Variants in AFDN observed in about 807,000 individuals in gnomAD.
AFDN encodes afadin, adherens junction formation factor, also known as afadin.
Under a neutral mutation model 216.6 loss-of-function variants are expected in AFDN, and 68 were observed. The ratio of observed to expected loss-of-function variants is 0.31; its 90% CI spans 0.26 to 0.38. The LOEUF is 0.38. Ranked by LOEUF, AFDN falls within the 10% of genes least tolerant of loss-of-function variation. AFDN has a pLI of 1.00. For missense variants in AFDN, 2,136 were observed against 2,342.0 expected, an observed-to-expected ratio of 0.91 and a Z score of 1.82; for synonymous variants, 868 against 853.7, an observed-to-expected ratio of 1.02 and a Z score of -0.29.
chr6:167,827,659 T>A (rs1779312693), intron 1 of AFDN: 1 of 150,096 alleles, frequency 6.7e-6, no homozygotes. Flanking sequence ...CCCTTCGCCG[T>A]GGCCGGGATG....
chr6:167,868,850 C>A lies in AFDN; in HGVS notation c.302-1536C>A, dbSNP rs140291711. Among the ~76,000 whole-genome samples the A allele has an allele frequency of 8.3e-3, 1,241 of 149,088 alleles. 12 individuals are homozygous for A. Among genetic ancestry groups the A allele is most frequent in the Non-Finnish European group, 9.3e-3 (626 of 67,578 alleles). On this transcript the variant is annotated intron_variant, in intron 2 of 33. Coordinates refer to ENST00000683244, the MANE Select transcript of AFDN (RefSeq NM_001386888.1). ...CCGTCACAGTTCACTGTGGCCTCAA[C>A]CTCTTGGACTCAAGTGATTCTCCCC...
chr6:167,894,980 ATTTAT>A (rs1305087550), intron 9 of AFDN, among the ~76,000 whole-genome samples: 1 of 151,932 alleles, frequency 6.6e-6, no homozygotes, highest in Non-Finnish European at 1.5e-5. Flanking sequence ...TTTCTTTATA[ATTTAT>A]TTGTGTCATT....
chr6:167,957,155 C>T (rs1291970271), intron 30 of AFDN, among the ~76,000 whole-genome samples: 2 of 151,234 alleles, frequency 1.3e-5, no homozygotes, highest in African/African-American at 4.9e-5. Flanking sequence ...TCTCAGATGC[C>T]ACCTTTCTGG....
intron 6 of AFDN, among the ~76,000 whole-genome samples, chr6:167,888,216 TATG>T (rs1295163974): frequency 2.6e-5 from 4 of 152,204 alleles, no homozygotes; most frequent in Non-Finnish European, 5.9e-5. Flanking sequence ...TTGGTTAATT[TATG>T]ATAAGGTGTG....
At position 167,946,762 on chromosome 6, in the gene AFDN, C is replaced by T. The variant is rs1321044264; in HGVS notation, c.3414C>T (p.Leu1138=). ...KPRPKSEGFE[L]YNNSTQNGSP... ...GACCAAAGAGTGAAGGCTTTGAGCT[C>T]TATAATAATTCAACTCAAAATGGGT... The change falls in exon 27 of 34, where the codon CTC becomes CTT. Residue 1138 remains leucine, a synonymous_variant. Coordinates refer to ENST00000683244, the MANE Select transcript of AFDN (RefSeq NM_001386888.1). The T allele has an allele frequency of 1.9e-6, 3 of 1,613,942 alleles. No homozygotes were observed. The highest frequency in any genetic ancestry group is 3.3e-5 in the Admixed American group (2 of 59,980).
At position 167,969,934 on chromosome 6, in the gene AFDN, G is replaced by A; in HGVS notation, c.5495G>A (p.Ter1832=). 1 of 1,603,996 alleles carries A rather than the reference G, an allele frequency of 6.2e-7. No individual in the cohort carries two copies. Among genetic ancestry groups the A allele is most frequent in the Non-Finnish European group, 8.5e-7 (1 of 1,177,010 alleles). ...TELENELNTK[*] Reference sequence around the variant, plus strand: ...CTGGAGAATGAACTGAACACAAAGTGAAAGAAAATGAGGAGAACACTTTGT... The same window carrying A: ...CTGGAGAATGAACTGAACACAAAGTAAAAGAAAATGAGGAGAACACTTTGT... Residue 1832 remains the stop codon, a stop_retained_variant, in exon 34 of 34, where the codon TGA becomes TAA. Coordinates refer to ENST00000683244, the MANE Select transcript of AFDN (RefSeq NM_001386888.1).
At chr6:167,913,177 T>G (rs967656258) in intron 15 of AFDN, among the ~76,000 whole-genome samples, 10 of 152,166 alleles carry the variant, frequency 6.6e-5, no homozygotes, top group African/African-American at 2.2e-4. Context: ...ATACAGTTAG[T>G]TATTGTGCCA....
chr6:167,946,805 C>G lies in AFDN; in HGVS notation c.3457C>G (p.Leu1153Val), dbSNP rs1207587139. 6.2e-7 allele frequency: 1 copy of G among 1,613,286 alleles called. No homozygotes were observed. The change falls in exon 27 of 34, where the codon CTG (leucine) becomes GTG (valine). Residue 1153 changes from leucine (L) to valine (V), a missense_variant. By Grantham distance (32) the Leu-to-Val change is conservative. Transcript: ENST00000683244. ...AAATGGGTCTCCTGAGAGTCCTCAG[C>G]TGCCTTGGGCAGAATATAGTGAACC... ...TQNGSPESPQ[L>V]PWAEYSEPKK...
At position 167,919,975 on chromosome 6, in the gene AFDN, A is replaced by T. The variant is rs533589141; in HGVS notation, c.2908+1042A>T. On this transcript the variant is annotated intron_variant, in intron 21 of 33. Transcript: ENST00000683244. ...TAAATACGTTTTTATACCTTTCAAG[A>T]TATCTTCAAAGTTTCTGATAGTTAA... Among the ~76,000 whole-genome samples, 70 of 152,302 alleles carry T rather than the reference A, an allele frequency of 4.6e-4. 1 individual carries two copies. In the South Asian group the frequency reaches 0.013, roughly 29 times the overall value.
At chr6:167,838,680 G>T (rs1192791112) in intron 1 of AFDN, among the ~76,000 whole-genome samples, 1 of 152,184 alleles carries the variant, frequency 6.6e-6, no homozygotes, top group African/African-American at 2.4e-5. Flanking sequence ...GTGGCCTGTT[G>T]TACCTTCTTA....
At chr6:167,949,046 C>T (rs189621114) in intron 29 of AFDN, among the ~76,000 whole-genome samples, 113 of 152,302 alleles carry the variant, frequency 7.4e-4, no homozygotes, top group African/African-American at 2.6e-3. Context: ...TGAAGATAGG[C>T]GGGGCCAGAC....
At chr6:167,893,180 C>G (rs534316046) in intron 8 of AFDN, among the ~76,000 whole-genome samples, 1 of 152,240 alleles carries the variant, frequency 6.6e-6, no homozygotes, top group East Asian at 1.9e-4. Flanking sequence ...GGTGGCAGGC[C>G]TGAATGCAAG....
chr6:167,929,284 AAAG>A (rs1332090150), intron 23 of AFDN, among the ~76,000 whole-genome samples: 3 of 152,180 alleles, frequency 2.0e-5, no homozygotes, highest in Non-Finnish European at 4.4e-5. Context: ...AAAGATTTGT[AAAG>A]AAGACCAGGA....
Position 167,893,859 on chromosome 6 carries a change from C to T in AFDN, c.1178-3C>T, listed in dbSNP as rs968385498. 1.3e-6 allele frequency: 2 copies of T among 1,585,388 alleles called. No homozygotes were observed. The highest frequency in any genetic ancestry group is 1.7e-6 in the Non-Finnish European group (2 of 1,164,078). ...TGGGTCCTGGCATGTGTCTTAACCCCAGGGAGAAGGAATCACTTTGCCTAC... is the reference window on the plus strand; with the variant it reads ...TGGGTCCTGGCATGTGTCTTAACCCTAGGGAGAAGGAATCACTTTGCCTAC... On this transcript the variant is annotated splice_region_variant and splice_polypyrimidine_tract_variant and intron_variant, in intron 8 of 33. Coordinates refer to ENST00000683244, the MANE Select transcript of AFDN (RefSeq NM_001386888.1).
rs202042286 is a variant in AFDN at position 167,962,592 on chromosome 6, G to C, written c.4968+25G>C. ...GGTTATGGTCCTTTAAGGGCAGCTAGAATTTTACCAAGTTAGCCTGAACGT... is the reference window on the plus strand; with the variant it reads ...GGTTATGGTCCTTTAAGGGCAGCTACAATTTTACCAAGTTAGCCTGAACGT... On this transcript the variant is annotated intron_variant, in intron 31 of 33. Coordinates refer to ENST00000683244, the MANE Select transcript of AFDN (RefSeq NM_001386888.1). This position sits in a 1 kb window ranked among gnomAD's most constrained non-coding sequence, Gnocchi z 5.2. 2 of 1,613,720 alleles carry C rather than the reference G, an allele frequency of 1.2e-6. No individual in the cohort carries two copies. Among genetic ancestry groups the C allele is most frequent in the African/African-American group, 2.7e-5 (2 of 74,920 alleles).
At position 167,962,527 on chromosome 6, in the gene AFDN, G is replaced by A. The variant is rs1797143029; in HGVS notation, c.4928G>A (p.Arg1643Gln). Residue 1643 changes from arginine to glutamine, a missense_variant, in exon 31 of 34, where the codon CGG (arginine) becomes CAG (glutamine). Transcript: ENST00000683244. The surrounding 1 kb of genome is among the most constrained non-coding windows in gnomAD (Gnocchi z 5.2). Reference protein sequence around the residue: ...DRARQEEERRRQEEERTKRDA... With the variant: ...DRARQEEERRQQEEERTKRDA... ...GCGAGGCAAGAGGAAGAGCGCCGGC[G>A]GCAGGAGGAGGAGCGAACAAAACGA... The A allele has an allele frequency of 5.0e-6, 8 of 1,613,788 alleles. No homozygotes were observed. The highest frequency in any genetic ancestry group is 2.2e-5 in the East Asian group (1 of 44,886).
chr6:167,857,803 T>C (rs1028470005), intron 1 of AFDN, among the ~76,000 whole-genome samples: 14 of 152,166 alleles, frequency 9.2e-5, no homozygotes, highest in Non-Finnish European at 1.5e-4. Context: ...TATGTTTTAA[T>C]GTAGTCCTTT....
At chr6:167,869,811 G>T (rs1562582280) in intron 2 of AFDN, among the ~76,000 whole-genome samples, 2 of 152,204 alleles carry the variant, frequency 1.3e-5, no homozygotes, top group Non-Finnish European at 2.9e-5. Context: ...CTTTACATAA[G>T]AAAAGTGATG....
chr6:167,922,840 C>T lies in AFDN; in HGVS notation c.2909-16C>T, dbSNP rs1335486777. On this transcript the variant is annotated splice_polypyrimidine_tract_variant and intron_variant, in intron 21 of 33. Coordinates refer to ENST00000683244, the MANE Select transcript of AFDN (RefSeq NM_001386888.1). ...GATGTGCTTTTTCACTTACAATTTGCTTGTTTCCTCCTTAGGATTTTGCAG... is the reference window on the plus strand; with the variant it reads ...GATGTGCTTTTTCACTTACAATTTGTTTGTTTCCTCCTTAGGATTTTGCAG... The T allele has an allele frequency of 1.1e-5, 17 of 1,560,268 alleles. No individual in the cohort carries two copies. Among genetic ancestry groups the T allele is most frequent in the African/African-American group, 1.4e-5 (1 of 73,600 alleles).
Sources: allele counts gnomAD v4.1 joint callset (sites outside exome capture counted in the v4.1 genomes callset), GRCh38; gene constraint gnomAD v4.1.1; non-coding constraint Gnocchi (gnomAD v3.1); transcripts MANE v1.5; gene names NCBI Gene and HGNC (gene_info 2026-07-23, HGNC 2026-07-21).